The following CLSTN2 variants were observed in gnomAD, a reference collection of about 807,000 sequenced individuals.
CLSTN2 encodes the protein calsyntenin-2.
A neutral mutation model predicts 101.2 loss-of-function variants in CLSTN2; 48 were observed. That is an observed-to-expected ratio of 0.47 (90% CI 0.38 to 0.60). The LOEUF (loss-of-function observed/expected upper bound fraction) is 0.60. CLSTN2 is among the 20% of genes least tolerant of loss of function. CLSTN2 has a pLI of 0.00. For synonymous variants in CLSTN2, 481 were observed against 463.6 expected, an observed-to-expected ratio of 1.04 and a Z score of -0.48; for missense variants, 1,160 against 1,238.2, an observed-to-expected ratio of 0.94 and a Z score of 0.95.
intron 2 of CLSTN2, among the ~76,000 whole-genome samples, chr3:140,349,550 G>C (rs1464259051): frequency 6.6e-6 from 1 of 152,162 alleles, no homozygotes; most frequent in Non-Finnish European, 1.5e-5. Flanking sequence ...GAAGACAGTA[G>C]ATGACATTCC....
intron 1 of CLSTN2, among the ~76,000 whole-genome samples, chr3:140,049,552 A>G (rs1453208099): frequency 6.6e-6 from 1 of 152,186 alleles, no homozygotes; most frequent in African/African-American, 2.4e-5. Flanking sequence ...TGGGGCTGAC[A>G]CACATGAGCA....
At chr3:140,003,130 T>C (rs1413681782) in intron 1 of CLSTN2, among the ~76,000 whole-genome samples, 1 of 152,236 alleles carries the variant, frequency 6.6e-6, no homozygotes, top group Non-Finnish European at 1.5e-5. Context: ...AGGAATTGCA[T>C]TGAATTTGTA....
chr3:140,042,497 A>T (rs567940237), intron 1 of CLSTN2, among the ~76,000 whole-genome samples: 3 of 152,310 alleles, frequency 2.0e-5, no homozygotes, highest in Admixed American at 6.5e-5. Context: ...CCTAGCCCAG[A>T]TGCTTAATGA....
chr3:140,132,749 A>T (rs1025176136), intron 1 of CLSTN2, among the ~76,000 whole-genome samples: 4 of 152,220 alleles, frequency 2.6e-5, no homozygotes, highest in African/African-American at 9.6e-5. Flanking sequence ...CAGTTCTTGC[A>T]AAAGCAACTC....
Position 139,935,332 on chromosome 3 carries a change from G to T in CLSTN2, c.-43G>T. 1.8e-6 allele frequency: 2 copies of T among 1,092,024 alleles called. No homozygotes were observed. The highest frequency in any genetic ancestry group is 9.2e-5 in the South Asian group (2 of 21,662). 67.6% of individuals were successfully genotyped at this position (1,092,024 alleles called of 1,614,324 possible). On this transcript the variant is annotated 5_prime_UTR_variant, in exon 1 of 17. Transcript: ENST00000458420. This position sits in a 1 kb window ranked among gnomAD's most constrained non-coding sequence, Gnocchi z 5.5. ...GCACCGGGAGGCGAGAGCCGGCGCGGACAGTAGGCGGCGGCTGCAGCTCGT... is the reference window on the plus strand; with the variant it reads ...GCACCGGGAGGCGAGAGCCGGCGCGTACAGTAGGCGGCGGCTGCAGCTCGT...
At chr3:140,560,344 A>G (rs1481800335) in intron 12 of CLSTN2, among the ~76,000 whole-genome samples, 2 of 152,092 alleles carry the variant, frequency 1.3e-5, no homozygotes, top group Non-Finnish European at 2.9e-5. Flanking sequence ...AGATTCCCCC[A>G]ACATGCACAC....
At chr3:140,374,564 G>A (rs1368659786) in intron 2 of CLSTN2, among the ~76,000 whole-genome samples, 1 of 152,092 alleles carries the variant, frequency 6.6e-6, no homozygotes, top group Non-Finnish European at 1.5e-5. Context: ...AATGAAAAAA[G>A]AAGACCCCAG....
At chr3:140,146,620 A>G (rs897207105) in intron 1 of CLSTN2, among the ~76,000 whole-genome samples, 1 of 152,238 alleles carries the variant, frequency 6.6e-6, no homozygotes, top group Non-Finnish European at 1.5e-5. Context: ...AAAGTGATAA[A>G]AATGATCTAG....
At chr3:140,451,076 C>T (rs373907434) in intron 6 of CLSTN2, among the ~76,000 whole-genome samples, 1 of 152,214 alleles carries the variant, frequency 6.6e-6, no homozygotes, top group Non-Finnish European at 1.5e-5. Context: ...GAATACCCTA[C>T]TTTGCTCCCC....
At chr3:140,464,927 G>A (rs943322415) in intron 7 of CLSTN2, among the ~76,000 whole-genome samples, 1 of 152,180 alleles carries the variant, frequency 6.6e-6, no homozygotes, top group Non-Finnish European at 1.5e-5. Context: ...TCTCAAGAAT[G>A]GTGATGCTTT....
intron 1 of CLSTN2, among the ~76,000 whole-genome samples, chr3:140,047,403 G>A (rs949025238): frequency 4.0e-5 from 6 of 151,624 alleles, no homozygotes; most frequent in Non-Finnish European, 5.9e-5. Flanking sequence ...TATCTGTGTT[G>A]GTATATAAAG....
At chr3:140,350,457 A>G (rs1433260730) in intron 2 of CLSTN2, among the ~76,000 whole-genome samples, 1 of 152,180 alleles carries the variant, frequency 6.6e-6, no homozygotes, top group Non-Finnish European at 1.5e-5. Context: ...GATGTGGGGT[A>G]GGGAGGGGGC....
Position 140,314,532 on chromosome 3 carries a change from A to T in CLSTN2, c.233-89097A>T, listed in dbSNP as rs2087209667. On this transcript the variant is annotated intron_variant, in intron 2 of 16. Coordinates refer to ENST00000458420, the MANE Select transcript of CLSTN2 (RefSeq NM_022131.3). ...GGGACTTCTGGAGTGGTAGAGTTAGATGCTCTCCTCTGCCCCCATGATACC... is the reference window on the plus strand; with the variant it reads ...GGGACTTCTGGAGTGGTAGAGTTAGTTGCTCTCCTCTGCCCCCATGATACC... 1.3e-5 allele frequency among the ~76,000 whole-genome samples: 2 copies of T among 151,914 alleles called. 1 individual carries two copies. The highest frequency in any genetic ancestry group is 4.2e-4 in the South Asian group (2 of 4,818).
intron 5 of CLSTN2, among the ~76,000 whole-genome samples, chr3:140,434,670 G>A (rs534810990): frequency 6.6e-6 from 1 of 152,348 alleles, no homozygotes; most frequent in East Asian, 1.9e-4. Flanking sequence ...GGAAGGAGCA[G>A]GGAACAGCAT....
chr3:140,305,748 C>T (rs1045578608), intron 2 of CLSTN2, among the ~76,000 whole-genome samples: 2 of 151,820 alleles, frequency 1.3e-5, no homozygotes, highest in Admixed American at 6.6e-5. Flanking sequence ...AGACAAAATA[C>T]GCCCAATATT....
intron 8 of CLSTN2, among the ~76,000 whole-genome samples, chr3:140,496,110 T>C (rs1416806263): frequency 1.3e-5 from 2 of 152,258 alleles, no homozygotes; most frequent in Non-Finnish European, 2.9e-5. Flanking sequence ...GGAGTGCTTC[T>C]CCATTTGCTT....
intron 2 of CLSTN2, among the ~76,000 whole-genome samples, chr3:140,371,662 T>C (rs1297229544): frequency 6.6e-6 from 1 of 152,140 alleles, no homozygotes; most frequent in Admixed American, 6.5e-5. Flanking sequence ...GATCCTTACT[T>C]TCAGCTGAGA....
At chr3:140,078,360 G>T (rs774339550) in intron 1 of CLSTN2, among the ~76,000 whole-genome samples, 9 of 152,182 alleles carry the variant, frequency 5.9e-5, no homozygotes, top group Non-Finnish European at 1.0e-4. Flanking sequence ...AATTGTGGAT[G>T]GGGGAGATGA....
At chr3:140,328,900 A>G (rs1327472286) in intron 2 of CLSTN2, among the ~76,000 whole-genome samples, 1 of 152,178 alleles carries the variant, frequency 6.6e-6, no homozygotes, top group Non-Finnish European at 1.5e-5. Flanking sequence ...TTTACTCCGC[A>G]TTTTCTAATG....
Sources: allele counts gnomAD v4.1 joint callset (sites outside exome capture counted in the v4.1 genomes callset), GRCh38; gene constraint gnomAD v4.1.1; non-coding constraint Gnocchi (gnomAD v3.1); transcripts MANE v1.5; gene names NCBI Gene and HGNC (gene_info 2026-07-23, HGNC 2026-07-21).